The following MSI2 variants were observed in gnomAD, a reference collection of about 807,000 sequenced individuals.
MSI2 encodes musashi RNA binding protein 2, also known as RNA-binding protein Musashi homolog 2.
In MSI2, 17 loss-of-function variants were observed where a neutral mutation model predicts 45.6. The observed-to-expected ratio is 0.37, with a 90% CI of 0.26 to 0.56. The LOEUF (loss-of-function observed/expected upper bound fraction) is 0.56, where lower values mean the gene tolerates loss of function less well. MSI2 is among the 20% of genes least tolerant of loss of function. The pLI is 0.77. For synonymous variants in MSI2, 156 were observed against 158.2 expected (o/e 0.99, Z 0.11); for missense variants, 293 against 444.2 (o/e 0.66, Z 3.06).
chr17:57,503,105 C>T (rs2086153519), intron 6 of MSI2, among the ~76,000 whole-genome samples: 1 of 152,088 alleles, frequency 6.6e-6, no homozygotes, highest in Non-Finnish European at 1.5e-5. Context: ...TTGATTGTCC[C>T]CAGTTGGCTT....
chr17:57,666,011 G>A (rs1036493058), intron 11 of MSI2, among the ~76,000 whole-genome samples: 31 of 152,138 alleles, frequency 2.0e-4, no homozygotes, highest in African/African-American at 6.8e-4. Context: ...CGTGATGGAA[G>A]AGATGTTTCC....
chr17:57,526,356 GGTGT>G (rs71143203), intron 6 of MSI2, among the ~76,000 whole-genome samples: 1,509 of 122,546 alleles, frequency 0.012, 14 homozygotes, highest in East Asian at 0.021. Flanking sequence ...GATATACCTG[GGTGT>G]GTGTGTGTGT....
intron 8 of MSI2, chr17:57,600,733 C>T (rs1321239008): frequency 6.6e-6 from 1 of 152,200 alleles, no homozygotes; most frequent in Admixed American, 6.5e-5. Flanking sequence ...AGGTTATCTC[C>T]AGGCAGGAGG....
At chr17:57,572,975 C>T (rs1208177715) in intron 7 of MSI2, among the ~76,000 whole-genome samples, 2 of 152,172 alleles carry the variant, frequency 1.3e-5, no homozygotes, top group African/African-American at 2.4e-5. Context: ...CAAGTGTGGA[C>T]GTGCCCGACA....
At chr17:57,403,480 G>T (rs1230779392) in intron 6 of MSI2, among the ~76,000 whole-genome samples, 3 of 152,142 alleles carry the variant, frequency 2.0e-5, no homozygotes, top group Non-Finnish European at 4.4e-5. Context: ...CATGGCACTC[G>T]CTGGGTCTGA....
At chr17:57,365,516 G>T (rs925899694) in intron 5 of MSI2, among the ~76,000 whole-genome samples, 1 of 152,142 alleles carries the variant, frequency 6.6e-6, no homozygotes, top group African/African-American at 2.4e-5. Flanking sequence ...GTACAAGTTG[G>T]GATGGGTGTT....
chr17:57,404,144 G>C (rs926384489), intron 6 of MSI2, among the ~76,000 whole-genome samples: 9 of 152,150 alleles, frequency 5.9e-5, no homozygotes, highest in Admixed American at 5.9e-4. Context: ...TTTTCTCTGG[G>C]GGGCTGGTAG....
intron 11 of MSI2, among the ~76,000 whole-genome samples, chr17:57,670,430 C>T (rs766013453): frequency 1.1e-4 from 17 of 152,238 alleles, no homozygotes; most frequent in Non-Finnish European, 2.2e-4. Flanking sequence ...TTGGGTCCAA[C>T]CCTTACAGGT....
chr17:57,593,044 TTAAACTAGGC>T (rs1340247624), intron 7 of MSI2, among the ~76,000 whole-genome samples: 2 of 151,882 alleles, frequency 1.3e-5, no homozygotes, highest in Non-Finnish European at 2.9e-5. Flanking sequence ...CAAGGTGGCT[TTAAACTAGGC>T]TGTCCTCTGG....
Position 57,407,044 on chromosome 17 carries a change from A to G in MSI2, c.405+5573A>G, listed in dbSNP as rs1419032164. ...GGAGATCGCTGTGGAAACCAGGTGA[A>G]AGGGTCCTTGGAGCCCTTTGTGTCG... On this transcript the variant is annotated intron_variant, in intron 6 of 13. Transcript: ENST00000284073. This position sits in a 1 kb window ranked among gnomAD's most constrained non-coding sequence, Gnocchi z 4.1. 1 of 152,172 alleles carries G rather than the reference A, an allele frequency of 6.6e-6. No individual in the cohort carries two copies. The highest frequency in any genetic ancestry group is 2.4e-5 in the African/African-American group (1 of 41,420). 9.4% of individuals were successfully genotyped at this position (152,172 alleles called of 1,614,324 possible). A position where few individuals can be genotyped will look rare whatever the true frequency, so the allele number is the denominator to read the frequency against.
Position 57,256,695 on chromosome 17 carries a change from G to A in MSI2, c.-48G>A. The A allele has an allele frequency of 1.2e-6, 1 of 815,104 alleles. No individual in the cohort carries two copies. The highest frequency in any genetic ancestry group is 2.1e-5 in the South Asian group (1 of 48,016). The allele number at this position is 815,104 out of a possible 1,614,324, so 50.5% of individuals were successfully genotyped here. On this transcript the variant is annotated 5_prime_UTR_variant, in exon 1 of 14. Transcript: ENST00000284073. ...AGCCGGCCGCCGCTCCGCTCCGATC[G>A]CTGTGGGGCTTGGTTTTTTGGGGGT... is the stretch of plus-strand genomic sequence containing the variant.
intron 5 of MSI2, among the ~76,000 whole-genome samples, chr17:57,296,956 G>A (rs185682241): frequency 6.6e-6 from 1 of 152,238 alleles, no homozygotes; most frequent in East Asian, 1.9e-4. Context: ...CTCACTGCAA[G>A]CTCTGCCTCC....
chr17:57,619,505 A>G (rs948137040), intron 9 of MSI2, among the ~76,000 whole-genome samples: 2 of 152,342 alleles, frequency 1.3e-5, no homozygotes, highest in African/African-American at 4.8e-5. Context: ...AATGAGAAGG[A>G]TGAGTAAGGC....
chr17:57,345,713 G>T (rs1028976495), intron 5 of MSI2, among the ~76,000 whole-genome samples: 8 of 151,672 alleles, frequency 5.3e-5, no homozygotes, highest in Non-Finnish European at 5.9e-5. Context: ...CAGCTACTCG[G>T]GAGGCTAAGG....
chr17:57,285,825 CAA>C, intron 5 of MSI2: 2 of 1,415,534 alleles, frequency 1.4e-6, no homozygotes, highest in South Asian at 1.6e-5. Context: ...GTCAGTTAGC[CAA>C]GCCTCCTACC....
At chr17:57,469,803 C>T (rs1392862728) in intron 6 of MSI2, among the ~76,000 whole-genome samples, 1 of 152,228 alleles carries the variant, frequency 6.6e-6, no homozygotes, top group Admixed American at 6.5e-5. Flanking sequence ...GCTTTTGGAT[C>T]TTCTGAAGTG....
At chr17:57,310,534 A>G (rs1368215620) in intron 5 of MSI2, among the ~76,000 whole-genome samples, 2 of 151,986 alleles carry the variant, frequency 1.3e-5, no homozygotes, top group Admixed American at 6.5e-5. Flanking sequence ...GGGTTTTACC[A>G]TGTTGGCCAG....
At chr17:57,663,708 C>G (rs1227759969) in intron 11 of MSI2, among the ~76,000 whole-genome samples, 2 of 152,320 alleles carry the variant, frequency 1.3e-5, no homozygotes, top group Middle Eastern at 3.4e-3. Flanking sequence ...CTGTGTCCTT[C>G]TGTGTTTTCT....
intron 5 of MSI2, among the ~76,000 whole-genome samples, chr17:57,342,787 A>G (rs867543283): frequency 2.6e-5 from 4 of 152,234 alleles, no homozygotes; most frequent in Admixed American, 6.5e-5. Flanking sequence ...TTCGAATGAT[A>G]GAAGGGGAAA....
Sources: gnomAD v4.1 joint callset for allele counts (sites outside exome capture counted in the v4.1 genomes callset) on GRCh38, gnomAD v4.1.1 for gene constraint, Gnocchi (gnomAD v3.1) non-coding constraint, MANE v1.5 for transcripts, NCBI Gene and HGNC (gene_info 2026-07-23, HGNC 2026-07-21) for gene names.